TAF4B: variants seen among roughly 807,000 people sequenced by gnomAD.
The protein encoded by TAF4B is TATA-box binding protein associated factor 4b.
Under a neutral mutation model 86.4 loss-of-function variants are expected in TAF4B, and 38 were observed. That is an observed-to-expected ratio of 0.44 (90% CI 0.34 to 0.58). TAF4B has a LOEUF of 0.58. TAF4B is among the 20% of genes least tolerant of loss of function. The pLI is 0.02. For missense variants in TAF4B, 988 were observed against 1,027.6 expected (o/e 0.96, Z 0.53); for synonymous variants, 388 against 391.2 (o/e 0.99, Z 0.10).
chr18:26,285,224 T>TTTTTTTTTTTTTTTTTTTTTTTTTTTG (rs2056503385), intron 6 of TAF4B, among the ~76,000 whole-genome samples: 1 of 122,806 alleles, frequency 8.1e-6, no homozygotes, highest in Non-Finnish European at 1.8e-5. Flanking sequence ...TTTTTTTTGT[T>TTTTTTTTTTTTTTTTTTTTTTTTTTTG]TTTTTTTTTT....
intron 14 of TAF4B, among the ~76,000 whole-genome samples, chr18:26,385,374 G>T (rs1978322826): frequency 6.6e-6 from 1 of 152,144 alleles, no homozygotes; most frequent in South Asian, 2.1e-4. Context: ...AAGAAACTTA[G>T]TTCAGTGGTA....
At position 26,234,413 on chromosome 18, in the gene TAF4B, C is replaced by T. The variant is rs139875536; in HGVS notation, c.343+7137C>T. On this transcript the variant is annotated intron_variant, in intron 1 of 14. Transcript: ENST00000269142. The stretch of plus-strand genomic sequence containing the variant: ...AGAGGTTGGGAACTCCCTTTCTTTC[C>T]GTATTGCAGCATGGGCATGTAGGAT... Among the ~76,000 whole-genome samples, 858 of 152,304 alleles carry T rather than the reference C, an allele frequency of 5.6e-3. 8 individuals are homozygous for T. The highest frequency in any genetic ancestry group is 0.01 in the Middle Eastern group (3 of 294).
chr18:26,360,214 A>C (rs183195433), intron 14 of TAF4B, among the ~76,000 whole-genome samples: 1 of 152,284 alleles, frequency 6.6e-6, no homozygotes, highest in African/African-American at 2.4e-5. Context: ...TTTCATATTC[A>C]TTAGTGTGCC....
chr18:26,253,801 G>A (rs1340180632), intron 1 of TAF4B, among the ~76,000 whole-genome samples: 1 of 151,948 alleles, frequency 6.6e-6, no homozygotes, highest in Non-Finnish European at 1.5e-5. Context: ...AGTAGTTTAT[G>A]TGTTTCTAGG....
chr18:26,279,570 A>G (rs1220561591), intron 5 of TAF4B, among the ~76,000 whole-genome samples: 1 of 151,932 alleles, frequency 6.6e-6, no homozygotes, highest in Non-Finnish European at 1.5e-5. Flanking sequence ...AACAACAACA[A>G]CAAAGCCAAG....
At position 26,226,957 on chromosome 18, in the gene TAF4B, C is replaced by T; in HGVS notation, c.24C>T (p.Pro8=). The T allele has an allele frequency of 7.2e-7, 1 of 1,382,338 alleles. No homozygotes were observed. The highest frequency in any genetic ancestry group is 9.3e-7 in the Non-Finnish European group (1 of 1,078,326). 85.6% of individuals were successfully genotyped at this position (1,382,338 alleles called of 1,614,324 possible). A position where few individuals can be genotyped will look rare whatever the true frequency, so the allele number is the denominator to read the frequency against. Residue 8 remains proline, a synonymous_variant, in exon 1 of 15, where the codon CCC becomes CCT. Transcript: ENST00000269142. The part of the protein sequence containing the change: MPAGLTE[P]AGAAPPAAVS... ...GGATGCCCGCCGGCCTCACCGAACC[C>T]GCCGGCGCCGCTCCCCCGGCTGCTG...
chr18:26,377,751 T>C (rs2057452430), intron 14 of TAF4B, among the ~76,000 whole-genome samples: 3 of 152,224 alleles, frequency 2.0e-5, no homozygotes, highest in Admixed American at 1.3e-4. Flanking sequence ...CTTCTGGATT[T>C]ATTACTCCTC....
chr18:26,389,968 G>A lies in TAF4B; in HGVS notation c.2545G>A (p.Glu849Lys). 6.2e-7 allele frequency: 1 copy of A among 1,614,126 alleles called. No homozygotes were observed. Among genetic ancestry groups the A allele is most frequent in the Non-Finnish European group, 8.5e-7 (1 of 1,180,006 alleles). The change falls in exon 15 of 15, where the codon GAG becomes AAG. Residue 849 changes from glutamate (E) to lysine (K), a missense_variant. Physicochemically the swap from Glu to Lys is moderately conservative, Grantham distance 56 (BLOSUM62 1). Coordinates refer to ENST00000269142, the MANE Select transcript of TAF4B (RefSeq NM_005640.3). ...GATATTTTGTATGGAACAGGAACGG[G>A]AGATGAAGTATTCTCGAGCTCTATA... Reference protein sequence around the residue: ...DLIFCMEQEREMKYSRALYLA... With the variant: ...DLIFCMEQERKMKYSRALYLA...
chr18:26,300,446 C>T (rs149367741), intron 9 of TAF4B, among the ~76,000 whole-genome samples: 219 of 145,724 alleles, frequency 1.5e-3, no homozygotes, highest in African/African-American at 4.9e-3. Context: ...TGATTTAGCA[C>T]CCAACTGATT....
chr18:26,337,402 T>TTTTTC (rs2057100778), intron 13 of TAF4B, among the ~76,000 whole-genome samples: 1 of 151,250 alleles, frequency 6.6e-6, no homozygotes, highest in African/African-American at 2.4e-5. Context: ...GACCATATCT[T>TTTTTC]TTTTCTTTTC....
intron 11 of TAF4B, among the ~76,000 whole-genome samples, chr18:26,323,507 G>C (rs1365671103): frequency 1.4e-5 from 2 of 144,038 alleles, no homozygotes; most frequent in East Asian, 4.1e-4. Context: ...TAACAGGCGT[G>C]TGCCACCACA....
At position 26,390,573 on chromosome 18, in the gene TAF4B, G is replaced by T. The variant is rs1978648313; in HGVS notation, c.*561G>T. The stretch of plus-strand genomic sequence containing the variant: ...AAAACAAGACAAATGGGGATAGATT[G>T]TGCCTGGGGTTGCTAATTCTCTGCT... On this transcript the variant is annotated 3_prime_UTR_variant, in exon 15 of 15. Coordinates refer to ENST00000269142, the MANE Select transcript of TAF4B (RefSeq NM_005640.3). 1 of 152,238 alleles carries T rather than the reference G, an allele frequency of 6.6e-6. No individual in the cohort carries two copies. Among genetic ancestry groups the T allele is most frequent in the African/African-American group, 2.4e-5 (1 of 41,442 alleles). 9.4% of individuals were successfully genotyped at this position (152,238 alleles called of 1,614,324 possible). A position where few individuals can be genotyped will look rare whatever the true frequency, so the allele number is the denominator to read the frequency against.
chr18:26,293,838 C>A (rs753502736), intron 9 of TAF4B, among the ~76,000 whole-genome samples: 1 of 152,150 alleles, frequency 6.6e-6, no homozygotes. Context: ...ACTGTTCTTA[C>A]GTCCATCACG....
Position 26,265,191 on chromosome 18 carries a change from A to G in TAF4B, c.365A>G (p.Asn122Ser). ...ATAGGAACCGTTTTGATTAAAAGTA[A>G]CAGTGGTCCGTTGATGTTGGTATCT... ...LPPGTVLIKS[N>S]SGPLMLVSPQ... The change falls in exon 2 of 15, where the codon AAC becomes AGC. Residue 122 changes from asparagine (N) to serine (S), a missense_variant. This residue lies in a region of TAF4B where 747 missense variants were observed against 737.9 expected (regional missense o/e 1.01). Coordinates refer to ENST00000269142, the MANE Select transcript of TAF4B (RefSeq NM_005640.3). 3.1e-6 allele frequency: 5 copies of G among 1,612,870 alleles called. No individual in the cohort carries two copies. Among genetic ancestry groups the G allele is most frequent in the South Asian group, 1.1e-5 (1 of 90,598 alleles).
chr18:26,364,146 T>A (rs2057351901), intron 14 of TAF4B, among the ~76,000 whole-genome samples: 1 of 152,204 alleles, frequency 6.6e-6, no homozygotes, highest in Non-Finnish European at 1.5e-5. Flanking sequence ...AAATTTACAC[T>A]TGATATTCTC....
chr18:26,257,020 T>C (rs561256330), intron 1 of TAF4B, among the ~76,000 whole-genome samples: 18 of 152,302 alleles, frequency 1.2e-4, no homozygotes, highest in African/African-American at 3.6e-4. Context: ...TCCTAGTATA[T>C]GGTCTGTCTT....
intron 12 of TAF4B, among the ~76,000 whole-genome samples, chr18:26,327,413 G>A (rs1413833039): frequency 6.6e-6 from 1 of 152,142 alleles, no homozygotes; most frequent in Non-Finnish European, 1.5e-5. Flanking sequence ...AAATTTCAGG[G>A]TCTTTTTAGG....
chr18:26,230,125 T>C (rs1311189305), intron 1 of TAF4B, among the ~76,000 whole-genome samples: 1 of 152,262 alleles, frequency 6.6e-6, no homozygotes, highest in East Asian at 1.9e-4. Flanking sequence ...TGTGAACATG[T>C]GGGGTTTTAG....
intron 14 of TAF4B, among the ~76,000 whole-genome samples, chr18:26,381,725 C>CTAAATAAATAAA (rs59018457): frequency 1.7e-3 from 241 of 144,162 alleles, no homozygotes; most frequent in Middle Eastern, 3.5e-3. Context: ...AACTCCGCCT[C>CTAAATAAATAAA]TAAATAAATA....
Sources: gnomAD v4.1 joint callset for allele counts (sites outside exome capture counted in the v4.1 genomes callset) on GRCh38, gnomAD v4.1.1 for gene constraint, gnomAD v4.1.1 regional missense constraint, MANE v1.5 for transcripts, NCBI Gene and HGNC (gene_info 2026-07-23, HGNC 2026-07-21) for gene names.